NSD2: variants seen among roughly 807,000 people sequenced by gnomAD.
NSD2 encodes the protein nuclear receptor binding SET domain protein 2.
NSD2 carries 12 observed loss-of-function variants against 139.0 expected under a neutral mutation model. That is an observed-to-expected ratio of 0.09 (90% CI 0.06 to 0.14). The LOEUF (loss-of-function observed/expected upper bound fraction) is 0.14. NSD2 is among the 10% of genes least tolerant of loss of function. The probability of loss-of-function intolerance (pLI) is 1.00; values close to 1 mark genes in which losing one functional copy is unlikely to be tolerated. For missense variants in NSD2, 1,155 were observed against 1,745.0 expected, an observed-to-expected ratio of 0.66 and a Z score of 6.02; for synonymous variants, 669 against 648.7, an observed-to-expected ratio of 1.03 and a Z score of -0.48.
At chr4:1,926,150 A>ATTTT (rs35448464) in intron 5 of NSD2, among the ~76,000 whole-genome samples, 4 of 121,528 alleles carry the variant, frequency 3.3e-5, no homozygotes, top group African/African-American at 1.3e-4. Context: ...TTGGGCCTGA[A>ATTTT]TTTTTTTTTT....
At chr4:1,877,846 C>T (rs1714375011) in intron 1 of NSD2, among the ~76,000 whole-genome samples, 1 of 152,064 alleles carries the variant, frequency 6.6e-6, no homozygotes, top group African/African-American at 2.4e-5. Context: ...CTCTCGGGCA[C>T]CTTCTCTGAC....
At chr4:1,954,365 CTCTTT>C (rs1274289611) in intron 12 of NSD2, among the ~76,000 whole-genome samples, 1 of 151,894 alleles carries the variant, frequency 6.6e-6, no homozygotes, top group Non-Finnish European at 1.5e-5. Flanking sequence ...CTGCTCTGAC[CTCTTT>C]TCTTTTTTTT....
chr4:1,964,451 A>G lies in NSD2; in HGVS notation c.3372+3300A>G, dbSNP rs750256290. On this transcript the variant is annotated intron_variant, in intron 18 of 21. Coordinates refer to ENST00000508803, the MANE Select transcript of NSD2 (RefSeq NM_001042424.3). Reference sequence around the variant, plus strand: ...GTTAATTTTGGTTTCAGCTCTTGGCACAGCAGCGGCTACCCATGCCCCACA... The same window carrying G: ...GTTAATTTTGGTTTCAGCTCTTGGCGCAGCAGCGGCTACCCATGCCCCACA... Among the ~76,000 whole-genome samples, 54 of 152,300 alleles carry G rather than the reference A, an allele frequency of 3.5e-4. 1 individual carries two copies. The highest frequency in any genetic ancestry group is 3.1e-3 in the Admixed American group (48 of 15,296).
In NSD2 at chr4:1,940,986, T is replaced by C. The variant is rs1308163945; in HGVS notation, c.1881+1208T>C. 6 of 1,058,380 alleles carry C rather than the reference T, an allele frequency of 5.7e-6. No homozygotes were observed. The African/African-American group carries it at 8.2e-5, about 15-fold the overall frequency. The allele number at this position is 1,058,380 out of a possible 1,614,324, so 65.6% of individuals were successfully genotyped here. ...GAGACCTGTTCACGGATGGTGGGAC[T>C]GGGGCTGCTTTACAGTTTGATACGT... is the stretch of plus-strand genomic sequence containing the variant. On this transcript the variant is annotated intron_variant, in intron 9 of 21. Transcript: ENST00000508803.
chr4:1,923,844 G>C (rs936364134), intron 5 of NSD2, among the ~76,000 whole-genome samples: 2 of 152,178 alleles, frequency 1.3e-5, no homozygotes, highest in Non-Finnish European at 2.9e-5. Flanking sequence ...GAACTCATTG[G>C]ATGTCAAAGC....
intron 3 of NSD2, 94 bp from the exon 4 acceptor site, chr4:1,916,777 C>CA: frequency 7.7e-7 from 1 of 1,290,650 alleles, no homozygotes; most frequent in Admixed American, 2.4e-5. Context: ...GCTCAGACAA[C>CA]ACCAAGGGAA....
In NSD2 at chr4:1,976,714, G is replaced by A; in HGVS notation, c.3826+35G>A. ...CAGCCTCGCGGTGGCTTGCAGCTGTGTCTGTGTGGCAGGCTCCTGATGGCG... is the reference window on the plus strand; with the variant it reads ...CAGCCTCGCGGTGGCTTGCAGCTGTATCTGTGTGGCAGGCTCCTGATGGCG... On this transcript the variant is annotated intron_variant, in intron 21 of 21. Coordinates refer to ENST00000508803, the MANE Select transcript of NSD2 (RefSeq NM_001042424.3). This position sits in a 1 kb window ranked among gnomAD's most constrained non-coding sequence, Gnocchi z 5.3. 1 of 1,540,214 alleles carries A rather than the reference G, an allele frequency of 6.5e-7. No individual in the cohort carries two copies. Among genetic ancestry groups the A allele is most frequent in the Non-Finnish European group, 8.8e-7 (1 of 1,141,204 alleles).
Position 1,976,487 on chromosome 4 carries a change from C to T in NSD2, c.3634C>T (p.Leu1212Phe). The T allele has an allele frequency of 6.2e-7, 1 of 1,613,586 alleles. No homozygotes were observed. The highest frequency in any genetic ancestry group is 8.5e-7 in the Non-Finnish European group (1 of 1,179,812). ...TTCTTGACTCTAGACCTCGACGACC[C>T]TTTCATCAGAGGAAAAGGGCAAAAA... ...LGDRPKTSTTLSSEEKGKKTK... is the reference protein window; with the variant it reads ...LGDRPKTSTTFSSEEKGKKTK... The change falls in exon 21 of 22, where the codon CTT becomes TTT. Residue 1212 changes from leucine (L) to phenylalanine (F), a missense_variant. Transcript: ENST00000508803. The surrounding 1 kb of genome is among the most constrained non-coding windows in gnomAD (Gnocchi z 5.3).
At chr4:1,975,666 TG>T in intron 20 of NSD2, 2 of 395,748 alleles carry the variant, frequency 5.1e-6, no homozygotes, top group African/African-American at 2.0e-5. Context: ...GGCAGGGCCG[TG>T]CGCCCTCTGA....
At chr4:1,975,517 T>C (rs1577585038) in intron 20 of NSD2, 117 bp downstream of exon 20, 3 of 857,092 alleles carry the variant, frequency 3.5e-6, no homozygotes, top group African/African-American at 1.7e-5. Flanking sequence ...CCGGGACAGG[T>C]GGGAGCAAGT....
chr4:1,905,707 C>T (rs367594911), intron 3 of NSD2, among the ~76,000 whole-genome samples: 60 of 152,198 alleles, frequency 3.9e-4, no homozygotes, highest in African/African-American at 1.4e-3. Flanking sequence ...CTGAGTCCTG[C>T]CCTGGCCTCC....
chr4:1,934,154 C>T (rs1369068955), intron 6 of NSD2, among the ~76,000 whole-genome samples: 1 of 150,972 alleles, frequency 6.6e-6, no homozygotes, highest in Non-Finnish European at 1.5e-5. Context: ...GGCACAATCT[C>T]GGCTCACTGC....
chr4:1,950,533 ACT>A (rs1464986476), intron 9 of NSD2, among the ~76,000 whole-genome samples: 1 of 152,162 alleles, frequency 6.6e-6, no homozygotes, highest in East Asian at 1.9e-4. Context: ...GACTCTCCTG[ACT>A]CTGCACCCCC....
rs1726552918 is a variant in NSD2 at position 1,972,140 on chromosome 4, G to A, written c.3373-2723G>A. On this transcript the variant is annotated intron_variant, in intron 18 of 21. Coordinates refer to ENST00000508803, the MANE Select transcript of NSD2 (RefSeq NM_001042424.3). The surrounding 1 kb of genome is among the most constrained non-coding windows in gnomAD (Gnocchi z 4.0). ...TTATGTGAACTGTAGTGACAACAGTGAGAGGCCAGGTCCACAGGTTTTCCC... is the reference window on the plus strand; with the variant it reads ...TTATGTGAACTGTAGTGACAACAGTAAGAGGCCAGGTCCACAGGTTTTCCC... Among the ~76,000 whole-genome samples, 1 of 152,234 alleles carries A rather than the reference G, an allele frequency of 6.6e-6. No homozygotes were observed. The highest frequency in any genetic ancestry group is 2.1e-4 in the South Asian group (1 of 4,834).
intron 10 of NSD2, 157 bp from the exon 11 acceptor site, chr4:1,951,951 T>C (rs1724310478): frequency 8.4e-7 from 1 of 1,184,812 alleles, no homozygotes; most frequent in African/African-American, 1.5e-5. Flanking sequence ...GTACGTTCTG[T>C]TTGGGCCAGA....
chr4:1,942,761 T>C lies in NSD2; in HGVS notation c.1881+2983T>C. ...GCTTCTCCTCTAGTTTGTAACTTAC[T>C]GGACTTTTGTGGAAAATATCAGCGT... On this transcript the variant is annotated intron_variant, in intron 9 of 21. Transcript: ENST00000508803. This position sits in a 1 kb window ranked among gnomAD's most constrained non-coding sequence, Gnocchi z 4.0. The C allele has an allele frequency of 9.2e-7, 1 of 1,083,944 alleles. No individual in the cohort carries two copies. The highest frequency in any genetic ancestry group is 1.1e-6 in the Non-Finnish European group (1 of 889,960). The allele number at this position is 1,083,944 out of a possible 1,614,324, so 67.1% of individuals were successfully genotyped here.
rs371273908 is a variant in NSD2 at position 1,937,348 on chromosome 4, C to T, written c.1675-1103C>T. Among the ~76,000 whole-genome samples, 12 of 152,330 alleles carry T rather than the reference C, an allele frequency of 7.9e-5. No homozygotes were observed. In the South Asian group the frequency reaches 8.3e-4, roughly 11 times the overall value. On this transcript the variant is annotated intron_variant, in intron 7 of 21. Coordinates refer to ENST00000508803, the MANE Select transcript of NSD2 (RefSeq NM_001042424.3). ...GGATTACAGGTGTGAGCCACTGCGG[C>T]TGGCCAGGTTACCTTCTATTAAAGC...
chr4:1,940,190 A>C, intron 9 of NSD2: 1 of 1,086,234 alleles, frequency 9.2e-7, no homozygotes, highest in East Asian at 4.6e-5. Context: ...GGCGACTCAC[A>C]CACCACACCT....
At chr4:1,916,224 C>T (rs542005392) in intron 3 of NSD2, among the ~76,000 whole-genome samples, 1 of 152,328 alleles carries the variant, frequency 6.6e-6, no homozygotes, top group South Asian at 2.1e-4. Flanking sequence ...ATACTGCCTC[C>T]TTCACTGCCT....
Sources: allele counts gnomAD v4.1 joint callset (sites outside exome capture counted in the v4.1 genomes callset), GRCh38; gene constraint gnomAD v4.1.1; non-coding constraint Gnocchi (gnomAD v3.1); transcripts MANE v1.5; gene names NCBI Gene and HGNC (gene_info 2026-07-23, HGNC 2026-07-21).